Variants in ALOX5AP observed in about 807,000 individuals in gnomAD.
ALOX5AP encodes arachidonate 5-lipoxygenase activating protein, also known as arachidonate 5-lipoxygenase-activating protein.
In ALOX5AP, 9 loss-of-function variants were observed where a neutral mutation model predicts 18.5. The observed-to-expected ratio is 0.49, with a 90% CI of 0.29 to 0.85. ALOX5AP has a LOEUF of 0.85. ALOX5AP is among the 40% of genes least tolerant of loss of function. The pLI, the probability that ALOX5AP is intolerant of heterozygous loss-of-function variation, is 0.08. For synonymous variants in ALOX5AP, 81 were observed against 78.6 expected (o/e 1.03, Z -0.16); for missense variants, 172 against 202.5 (o/e 0.85, Z 0.91).
chr13:30,724,029 C>G (rs751882963), intron 1 of ALOX5AP, among the ~76,000 whole-genome samples: 1 of 152,168 alleles, frequency 6.6e-6, no homozygotes, highest in Non-Finnish European at 1.5e-5. Flanking sequence ...TAACCATCAC[C>G]AAAAATAAAG....
At chr13:30,755,889 C>A in intron 3 of ALOX5AP, 55 bp from the exon 4 acceptor site, 1 of 1,552,802 alleles carries the variant, frequency 6.4e-7, no homozygotes, top group South Asian at 1.1e-5. Flanking sequence ...ATTGGGCTAA[C>A]AGCATGTTTT....
chr13:30,749,202 C>T (rs1213066578), intron 2 of ALOX5AP, among the ~76,000 whole-genome samples: 2 of 152,132 alleles, frequency 1.3e-5, no homozygotes, highest in Non-Finnish European at 2.9e-5. Flanking sequence ...TGAATACGGA[C>T]CCAATGTCAA....
chr13:30,744,640 C>T (rs1431471316), intron 2 of ALOX5AP, among the ~76,000 whole-genome samples: 1 of 152,188 alleles, frequency 6.6e-6, no homozygotes, highest in East Asian at 1.9e-4. Context: ...CCTTGAGCAA[C>T]TAGAACAAGA....
intron 1 of ALOX5AP, among the ~76,000 whole-genome samples, chr13:30,714,006 AC>A (rs1267525738): frequency 3.3e-5 from 5 of 152,126 alleles, no homozygotes; most frequent in African/African-American, 1.2e-4. Flanking sequence ...ATCAAACTCT[AC>A]CTGTTTCTGA....
At chr13:30,732,828 AG>A (rs770278798), upstream of ALOX5AP, among the ~76,000 whole-genome samples, 1 of 152,040 alleles carries the variant, frequency 6.6e-6, no homozygotes, top group Non-Finnish European at 1.5e-5. Flanking sequence ...GGTAGAGAGA[AG>A]GGAAAGAGAG....
chr13:30,713,904 T>C, intron 1 of ALOX5AP: 1 of 1,510,854 alleles, frequency 6.6e-7, no homozygotes, highest in Non-Finnish European at 8.9e-7. Context: ...CTCCTACAAA[T>C]TTGACCTGGG....
At chr13:30,714,323 C>T (rs1423863824) in intron 1 of ALOX5AP, among the ~76,000 whole-genome samples, 5 of 151,738 alleles carry the variant, frequency 3.3e-5, no homozygotes, top group African/African-American at 1.2e-4. Context: ...CTGAGAAAGG[C>T]AGTTGGGCAG....
intron 4 of ALOX5AP, among the ~76,000 whole-genome samples, chr13:30,759,132 G>C (rs935800296): frequency 1.3e-5 from 2 of 152,034 alleles, no homozygotes; most frequent in African/African-American, 4.8e-5. Flanking sequence ...CTGAATCTTG[G>C]TTTCTTCCCC....
At position 30,762,823 on chromosome 13, in the gene ALOX5AP, C is replaced by T. The variant is rs543370320; in HGVS notation, c.324-1121C>T. On this transcript the variant is annotated intron_variant, in intron 4 of 4. Transcript: ENST00000380490. ...CCTTCCCAGGATCTTTACTAACAAT[C>T]CTCCTGAGTCATTTGGACTTTCCCA... 8.5e-5 allele frequency among the ~76,000 whole-genome samples: 13 copies of T among 152,214 alleles called. No individual in the cohort carries two copies. The South Asian group carries it at 2.1e-3, about 24-fold the overall frequency.
rs1285860913 is a variant in ALOX5AP at position 30,764,141 on chromosome 13, A to C, written c.*35A>C. ...GAATATGGGGTTGGTGTTCTCATCTAATCAATACCTACAAGTCATCATAAT... is the reference window on the plus strand; with the variant it reads ...GAATATGGGGTTGGTGTTCTCATCTCATCAATACCTACAAGTCATCATAAT... On this transcript the variant is annotated 3_prime_UTR_variant, in exon 5 of 5. Transcript: ENST00000380490. The C allele has an allele frequency of 9.4e-6, 15 of 1,596,068 alleles. No homozygotes were observed. The highest frequency in any genetic ancestry group is 1.3e-5 in the African/African-American group (1 of 74,462).
intron 4 of ALOX5AP, among the ~76,000 whole-genome samples, chr13:30,762,083 A>G (rs1951946734): frequency 6.6e-6 from 1 of 152,228 alleles, no homozygotes; most frequent in Non-Finnish European, 1.5e-5. Flanking sequence ...GGCTGGTGTC[A>G]GCTAGCAGTG....
intron 4 of ALOX5AP, among the ~76,000 whole-genome samples, chr13:30,757,628 C>T (rs1951907371): frequency 6.6e-6 from 1 of 152,156 alleles, no homozygotes; most frequent in Non-Finnish European, 1.5e-5. Flanking sequence ...ATCTTACCCC[C>T]TGCAAAGTCC....
At chr13:30,718,664 T>A (rs1951569131) in intron 1 of ALOX5AP, among the ~76,000 whole-genome samples, 1 of 152,174 alleles carries the variant, frequency 6.6e-6, no homozygotes, top group Non-Finnish European at 1.5e-5. Flanking sequence ...TTTTATTCTC[T>A]TCATTCCACA....
At chr13:30,745,528 G>A (rs1951802658) in intron 2 of ALOX5AP, among the ~76,000 whole-genome samples, 1 of 152,162 alleles carries the variant, frequency 6.6e-6, no homozygotes, top group African/African-American at 2.4e-5. Flanking sequence ...TCTGTCCAGG[G>A]CTATTCCAGC....
At chr13:30,761,230 G>A (rs527547274) in intron 4 of ALOX5AP, among the ~76,000 whole-genome samples, 1 of 152,326 alleles carries the variant, frequency 6.6e-6, no homozygotes, top group South Asian at 2.1e-4. Flanking sequence ...CCTGGGAAGA[G>A]TTAAAGCACC....
chr13:30,744,517 T>C (rs905348437), intron 2 of ALOX5AP: 6 of 172,372 alleles, frequency 3.5e-5, no homozygotes, highest in Admixed American at 1.7e-4. Context: ...ACCAGTCACC[T>C]TCAGAAGCCA....
chr13:30,746,086 G>A (rs1398984398), intron 2 of ALOX5AP, among the ~76,000 whole-genome samples: 1 of 152,236 alleles, frequency 6.6e-6, no homozygotes, highest in Non-Finnish European at 1.5e-5. Context: ...CTGTTTGTAA[G>A]AAGCCATGGT....
upstream of ALOX5AP, among the ~76,000 whole-genome samples, chr13:30,732,907 G>A (rs990621787): frequency 4.6e-5 from 7 of 152,078 alleles, no homozygotes; most frequent in Admixed American, 1.3e-4. Flanking sequence ...TGTAATCTCA[G>A]CACTTTGGGA....
rs148070084 is a variant in ALOX5AP, at chr13:30,717,981, C to T, written c.116+4140C>T. 9.9e-3 allele frequency among the ~76,000 whole-genome samples: 1,434 copies of T among 145,038 alleles called. 30 individuals are homozygous for T. Among genetic ancestry groups the T allele is most frequent in the African/African-American group, 0.036 (1,377 of 38,728 alleles). ...TTATTTTTTCTTTTTTTTTTTGAGA[C>T]GGAGTTTCACTCTTGTTGCCCAGGG... is the stretch of plus-strand genomic sequence containing the variant. On this transcript the variant is annotated intron_variant, in intron 1 of 5. Coordinates refer to the ALOX5AP transcript ENST00000617770.
Sources: gnomAD v4.1 joint callset for allele counts (sites outside exome capture counted in the v4.1 genomes callset) on GRCh38, gnomAD v4.1.1 for gene constraint, MANE v1.5 for transcripts, NCBI Gene and HGNC (gene_info 2026-07-23, HGNC 2026-07-21) for gene names.